LRRC49: variants seen among roughly 807,000 people sequenced by gnomAD.
The protein encoded by LRRC49 is leucine-rich repeat-containing protein 49.
A neutral mutation model predicts 83.3 loss-of-function variants in LRRC49; 50 were observed. The observed-to-expected ratio is 0.60, with a 90% confidence interval of 0.48 to 0.76. The LOEUF is 0.76. Among genes scored for constraint, LRRC49 ranks in the 30% least tolerant of loss-of-function variants. The probability of loss-of-function intolerance (pLI) is 0.00; values close to 1 mark genes in which losing one functional copy is unlikely to be tolerated. For missense variants in LRRC49, 704 were observed against 809.1 expected (o/e 0.87, Z 1.58); for synonymous variants, 286 against 283.3 (o/e 1.01, Z -0.10).
chr15:71,046,787 A>G (rs2039866290), intron 15 of LRRC49, among the ~76,000 whole-genome samples: 1 of 151,684 alleles, frequency 6.6e-6, no homozygotes, highest in Non-Finnish European at 1.5e-5. Flanking sequence ...GCCAATATCA[A>G]GAAGAGTCTT....
chr15:70,960,580 G>C (rs2141193693), intron 8 of LRRC49, among the ~76,000 whole-genome samples: 1 of 152,262 alleles, frequency 6.6e-6, no homozygotes, highest in East Asian at 1.9e-4. Context: ...TGGTGAAAGA[G>C]TAGACACATG....
intron 1 of LRRC49, among the ~76,000 whole-genome samples, chr15:70,861,127 G>T (rs531443558): frequency 6.6e-6 from 1 of 152,232 alleles, no homozygotes; most frequent in African/African-American, 2.4e-5. Context: ...ATATATTTTT[G>T]TCACAGACTT....
intron 7 of LRRC49, among the ~76,000 whole-genome samples, chr15:70,934,536 A>C (rs1024302526): frequency 6.6e-6 from 1 of 152,190 alleles, no homozygotes; most frequent in African/African-American, 2.4e-5. Context: ...AATGATTTTT[A>C]AAATTTGATA....
At chr15:70,951,326 C>T (rs1241713633) in intron 8 of LRRC49, among the ~76,000 whole-genome samples, 1 of 151,990 alleles carries the variant, frequency 6.6e-6, no homozygotes, top group East Asian at 1.9e-4. Context: ...ATAGGAATGG[C>T]ACTGAATCTG....
intron 11 of LRRC49, among the ~76,000 whole-genome samples, chr15:70,990,624 A>G (rs1437832748): frequency 6.6e-6 from 1 of 152,210 alleles, no homozygotes; most frequent in African/African-American, 2.4e-5. Context: ...CGGCTCATGC[A>G]TGGTGCGCTG....
At chr15:70,866,805 A>G (rs998205491) in intron 1 of LRRC49, among the ~76,000 whole-genome samples, 1 of 151,950 alleles carries the variant, frequency 6.6e-6, no homozygotes, top group South Asian at 2.1e-4. Context: ...AATTAACACA[A>G]TTTCATTCAG....
In LRRC49 at chr15:71,048,694, G is replaced by C. The variant is rs547613572; in HGVS notation, c.1858-715G>C. ...GATTAAACAAAATCACTTTGTTTTAGTCTCTGTGATGAAATTGGGGCACAA... is the reference window on the plus strand; with the variant it reads ...GATTAAACAAAATCACTTTGTTTTACTCTCTGTGATGAAATTGGGGCACAA... On this transcript the variant is annotated intron_variant, in intron 15 of 15. Transcript: ENST00000260382. The C allele has an allele frequency of 8.4e-5, 36 of 430,492 alleles. No individual in the cohort carries two copies. The East Asian group carries it at 2.5e-3, about 30-fold the overall frequency. 26.7% of individuals were successfully genotyped at this position (430,492 alleles called of 1,614,324 possible).
intron 3 of LRRC49, among the ~76,000 whole-genome samples, chr15:70,896,651 G>T (rs183624439): frequency 1.1e-3 from 161 of 152,218 alleles, no homozygotes; most frequent in African/African-American, 3.7e-3. Flanking sequence ...TTTCTGTAAT[G>T]TGCTCATGTT....
chr15:70,935,604 T>C (rs1348818960), intron 7 of LRRC49, among the ~76,000 whole-genome samples: 2 of 152,182 alleles, frequency 1.3e-5, no homozygotes, highest in African/African-American at 2.4e-5. Context: ...ATGGAAACAG[T>C]AAAACAAGTT....
At chr15:70,928,229 C>T (rs555915227) in intron 7 of LRRC49, among the ~76,000 whole-genome samples, 2 of 152,044 alleles carry the variant, frequency 1.3e-5, no homozygotes, top group South Asian at 2.1e-4. Context: ...CCCTTTCTAC[C>T]GCATCTATAT....
intron 6 of LRRC49, among the ~76,000 whole-genome samples, chr15:70,912,274 T>G (rs2034581543): frequency 6.6e-6 from 1 of 152,174 alleles, no homozygotes; most frequent in African/African-American, 2.4e-5. Flanking sequence ...CTGTTTGTTT[T>G]ATCTTGTTTT....
intron 11 of LRRC49, among the ~76,000 whole-genome samples, chr15:71,002,939 CTTTTTTTTTTTTTTTT>C (rs35998597): frequency 9.3e-5 from 4 of 43,024 alleles, no homozygotes; most frequent in African/African-American, 4.1e-4. Context: ...ATTTTCTGGC[CTTTTTTTTTTTTTTTT>C]TTTTTTTTTT....
intron 11 of LRRC49, among the ~76,000 whole-genome samples, chr15:70,998,177 T>C (rs552832379): frequency 6.6e-6 from 1 of 152,174 alleles, no homozygotes; most frequent in African/African-American, 2.4e-5. Flanking sequence ...ATTAATTTTA[T>C]ACATTTTTCT....
chr15:70,950,082 T>C (rs1487218615), intron 8 of LRRC49, among the ~76,000 whole-genome samples: 3 of 152,146 alleles, frequency 2.0e-5, no homozygotes, highest in Admixed American at 6.6e-5. Context: ...TCTGTTCTTA[T>C]GTTAGTTTGC....
intron 1 of LRRC49, among the ~76,000 whole-genome samples, chr15:70,871,932 G>C (rs1457024604): frequency 6.6e-6 from 1 of 150,484 alleles, no homozygotes; most frequent in African/African-American, 2.5e-5. Flanking sequence ...GGGCAGAGGG[G>C]CTCCTCACAT....
At chr15:70,896,106 A>G (rs914313011) in intron 3 of LRRC49, among the ~76,000 whole-genome samples, 170 bp downstream of exon 3, 11 of 152,140 alleles carry the variant, frequency 7.2e-5, no homozygotes, top group Non-Finnish European at 1.3e-4. Context: ...TATATGTAGC[A>G]TAGTAGATTA....
chr15:71,039,361 A>G (rs2141301637), intron 15 of LRRC49, among the ~76,000 whole-genome samples: 1 of 152,296 alleles, frequency 6.6e-6, no homozygotes, highest in Middle Eastern at 3.4e-3. Context: ...TGGCAGGATT[A>G]TGTCTCCTCT....
At chr15:71,021,331 A>G (rs527666430) in intron 14 of LRRC49, among the ~76,000 whole-genome samples, 161 of 152,360 alleles carry the variant, frequency 1.1e-3, no homozygotes, top group African/African-American at 3.7e-3. Flanking sequence ...TTTAGATATT[A>G]GTGGGTTAAT....
intron 3 of LRRC49, among the ~76,000 whole-genome samples, chr15:70,897,862 C>T (rs1454979450): frequency 1.3e-5 from 2 of 152,138 alleles, no homozygotes; most frequent in Non-Finnish European, 2.9e-5. Flanking sequence ...ATTGCAGGAA[C>T]TACTATATAA....
Sources: allele counts gnomAD v4.1 joint callset (sites outside exome capture counted in the v4.1 genomes callset), GRCh38; gene constraint gnomAD v4.1.1; transcripts MANE v1.5; gene names NCBI Gene and HGNC (gene_info 2026-07-23, HGNC 2026-07-21).